PXYLP1: variants seen among roughly 807,000 people sequenced by gnomAD.
PXYLP1 encodes the protein 2-phosphoxylose phosphatase 1.
Under a neutral mutation model 37.9 loss-of-function variants are expected in PXYLP1, and 17 were observed. The ratio of observed to expected loss-of-function variants is 0.45; its 90% CI spans 0.31 to 0.67. The LOEUF (loss-of-function observed/expected upper bound fraction) is 0.67. Among genes scored for constraint, PXYLP1 ranks in the 30% least tolerant of loss-of-function variants. The pLI, the probability that PXYLP1 is intolerant of heterozygous loss-of-function variation, is 0.07. For missense variants in PXYLP1, 511 were observed against 612.0 expected (o/e 0.84, Z 1.74); for synonymous variants, 221 against 232.2 (o/e 0.95, Z 0.44).
At chr3:141,272,592 A>C (rs1047148599) in intron 2 of PXYLP1, 2 of 153,244 alleles carry the variant, frequency 1.3e-5, no homozygotes, top group South Asian at 2.1e-4. Context: ...ATATTTATAA[A>C]GGGGAGTTTA....
chr3:141,242,930 T>C (rs988916342), intron 1 of PXYLP1, among the ~76,000 whole-genome samples: 3 of 152,228 alleles, frequency 2.0e-5, no homozygotes, highest in African/African-American at 7.2e-5. Flanking sequence ...ATCCTTGGCA[T>C]AGAGCAGATG....
rs1404258049 is a variant in PXYLP1, at chr3:141,292,993, A to G, written c.1231A>G (p.Arg411Gly). 52 of 1,614,218 alleles carry G rather than the reference A, an allele frequency of 3.2e-5. No homozygotes were observed. The highest frequency in any genetic ancestry group is 4.2e-5 in the Non-Finnish European group (50 of 1,180,044). The change falls in exon 6 of 6, where the codon AGA becomes GGA. Residue 411 changes from arginine to glycine, a missense_variant. Coordinates refer to ENST00000286353, the MANE Select transcript of PXYLP1 (RefSeq NM_001037172.3). This position sits in a 1 kb window ranked among gnomAD's most constrained non-coding sequence, Gnocchi z 4.3. ...GTTGATCTTTGAGCTTTGGCAAGACAGAGAAAAGCCCAGTGAACATTCCGT... is the reference window on the plus strand; with the variant it reads ...GTTGATCTTTGAGCTTTGGCAAGACGGAGAAAAGCCCAGTGAACATTCCGT... ...ARLIFELWQDREKPSEHSVRI... is the reference protein window; with the variant it reads ...ARLIFELWQDGEKPSEHSVRI...
chr3:141,287,698 A>G (rs1384299826), intron 5 of PXYLP1, among the ~76,000 whole-genome samples: 1 of 152,250 alleles, frequency 6.6e-6, no homozygotes, highest in African/African-American at 2.4e-5. Context: ...AGACAAGTAA[A>G]AAGAAGAAAA....
At chr3:141,235,245 A>G (rs538019433) in intron 1 of PXYLP1, 1 of 152,384 alleles carries the variant, frequency 6.6e-6, no homozygotes, top group East Asian at 1.9e-4. Context: ...AAGGCCTTGA[A>G]AGCCAGCTGA....
rs1941030774 is a variant in PXYLP1, at chr3:141,248,595, GTGTA to G, written c.-53-11526_-53-11523del. Reference sequence around the variant, plus strand: ...TACACACATGTATATATACACACACGTGTATATATACACACGTATATATACACAC... The same window carrying G: ...TACACACATGTATATATACACACACGTATATACACACGTATATATACACAC... On this transcript the variant is annotated intron_variant, in intron 1 of 5. Coordinates refer to ENST00000286353, the MANE Select transcript of PXYLP1 (RefSeq NM_001037172.3). Among the ~76,000 whole-genome samples the G allele has an allele frequency of 5.1e-4, 14 of 27,454 alleles. 1 individual carries two copies. The highest frequency in any genetic ancestry group is 4.6e-3 in the African/African-American group (9 of 1,962). 18.0% of individuals were successfully genotyped at this position (27,454 alleles called of 152,430 possible).
chr3:141,292,290 C>T lies in PXYLP1; in HGVS notation c.528C>T (p.Asn176=), dbSNP rs760526526. The T allele has an allele frequency of 1.1e-5, 17 of 1,597,082 alleles. No individual in the cohort carries two copies. The highest frequency in any genetic ancestry group is 4.5e-5 in the South Asian group (4 of 88,890). ...CAGGAGTTGTGCAGCATTTGCAGAA[C>T]GGTCAGCTGCTGAGGGATATCTATC... The part of the protein sequence containing the change: ...TQTGVVQHLQ[N]GQLLRDIYLK... The change falls in exon 6 of 6, where the codon AAC becomes AAT. Residue 176 remains asparagine, a synonymous_variant. Coordinates refer to ENST00000286353, the MANE Select transcript of PXYLP1 (RefSeq NM_001037172.3). This position sits in a 1 kb window ranked among gnomAD's most constrained non-coding sequence, Gnocchi z 4.3.
In PXYLP1 at chr3:141,260,149, C is replaced by T. The variant is rs1941354350; in HGVS notation, c.-27C>T. The T allele has an allele frequency of 1.2e-6, 2 of 1,613,528 alleles. No individual in the cohort carries two copies. Among genetic ancestry groups the T allele is most frequent in the East Asian group, 4.5e-5 (2 of 44,890 alleles). On this transcript the variant is annotated 5_prime_UTR_variant, in exon 2 of 6. Coordinates refer to ENST00000286353, the MANE Select transcript of PXYLP1 (RefSeq NM_001037172.3). ...ACATGTTCCCGATTTGAGGTGAAAC[C>T]ATGAAGAGAAAATAGAATACTTAAT...
chr3:141,269,922 C>CTGCA (rs1401447297), intron 2 of PXYLP1, among the ~76,000 whole-genome samples: 1 of 152,264 alleles, frequency 6.6e-6, no homozygotes, highest in Admixed American at 6.5e-5. Context: ...CTCTGAGAGG[C>CTGCA]TGCAACTGGG....
chr3:141,274,448 C>A (rs1279021615), intron 2 of PXYLP1: 11 of 1,489,968 alleles, frequency 7.4e-6, no homozygotes, highest in Non-Finnish European at 9.8e-6. Context: ...TCTCCTCTTC[C>A]CCTCCACACA....
chr3:141,239,495 G>A (rs1235402188), intron 1 of PXYLP1, among the ~76,000 whole-genome samples: 2 of 147,962 alleles, frequency 1.4e-5, no homozygotes, highest in African/African-American at 5.1e-5. Flanking sequence ...ATAATTTCTA[G>A]CATTGCTAAG....
chr3:141,290,123 A>G (rs762640178), intron 5 of PXYLP1, among the ~76,000 whole-genome samples: 15 of 152,184 alleles, frequency 9.9e-5, no homozygotes, highest in Non-Finnish European at 1.9e-4. Flanking sequence ...TACAGTAACT[A>G]TGTAAGGTAA....
chr3:141,248,497 GTATA>G lies in PXYLP1; in HGVS notation c.-53-11613_-53-11610del, dbSNP rs72060928. ...AAAGGAGCAATATGTGTGCGTGTGT[GTATA>G]TATATATATATACACACACACACAC... On this transcript the variant is annotated intron_variant, in intron 1 of 5. Transcript: ENST00000286353. Among the ~76,000 whole-genome samples, 25 of 117,454 alleles carry G rather than the reference GTATA, an allele frequency of 2.1e-4. 1 individual carries two copies. The highest frequency in any genetic ancestry group is 8.5e-4 in the African/African-American group (18 of 21,118). 77.1% of individuals were successfully genotyped at this position (117,454 alleles called of 152,430 possible). A position where few individuals can be genotyped will look rare whatever the true frequency, so the allele number is the denominator to read the frequency against.
chr3:141,254,416 C>T (rs1576583642), intron 1 of PXYLP1, among the ~76,000 whole-genome samples: 2 of 152,294 alleles, frequency 1.3e-5, no homozygotes, highest in South Asian at 2.1e-4. Context: ...TGAATGAGTG[C>T]GTGAACTGGC....
chr3:141,266,437 C>T (rs980412352), intron 2 of PXYLP1, among the ~76,000 whole-genome samples: 6 of 151,964 alleles, frequency 3.9e-5, no homozygotes, highest in South Asian at 2.1e-4. Flanking sequence ...TTGTGCCCTG[C>T]GGTGCAGATG....
At chr3:141,275,588 A>G (rs946723641) in intron 2 of PXYLP1, among the ~76,000 whole-genome samples, 1 of 152,160 alleles carries the variant, frequency 6.6e-6, no homozygotes, top group African/African-American at 2.4e-5. Context: ...ACTTTTCTAT[A>G]TTTCCGTGCT....
chr3:141,289,651 G>T (rs954909691), intron 5 of PXYLP1, among the ~76,000 whole-genome samples: 4 of 152,190 alleles, frequency 2.6e-5, no homozygotes, highest in Non-Finnish European at 4.4e-5. Context: ...TAAAAAAGCT[G>T]TCTTGTCCCT....
At chr3:141,274,738 G>C in intron 2 of PXYLP1, 1 of 691,158 alleles carries the variant, frequency 1.4e-6, no homozygotes, top group Non-Finnish European at 2.6e-6. Context: ...GGACACCCCT[G>C]CTTGCATATA....
chr3:141,292,442 G>A lies in PXYLP1; in HGVS notation c.680G>A (p.Trp227Ter), dbSNP rs202236138. The A allele has an allele frequency of 1.9e-6, 3 of 1,614,224 alleles. No individual in the cohort carries two copies. The highest frequency in any genetic ancestry group is 2.2e-5 in the South Asian group (2 of 91,080). Reference protein sequence around the residue: ...LLYGFLPDFDWKKIYFRHQPS... With the variant: ...LLYGFLPDFD ...TATGGCTTTCTCCCAGATTTTGACT[G>A]GAAGAAGATTTATTTCAGGCACCAG... The change falls in exon 6 of 6, where the codon TGG becomes TAG. Residue 227 changes from tryptophan to a stop codon, truncating the protein, a stop_gained. Coordinates refer to ENST00000286353, the MANE Select transcript of PXYLP1 (RefSeq NM_001037172.3). LOFTEE classifies it high-confidence loss of function. This position sits in a 1 kb window ranked among gnomAD's most constrained non-coding sequence, Gnocchi z 4.3.
At chr3:141,282,586 G>C (rs1941980150) in intron 4 of PXYLP1, among the ~76,000 whole-genome samples, 1 of 152,050 alleles carries the variant, frequency 6.6e-6, no homozygotes, top group Non-Finnish European at 1.5e-5. Context: ...ATTTTTATTT[G>C]TTTTTGTTCA....
Sources: gnomAD v4.1 joint callset for allele counts (sites outside exome capture counted in the v4.1 genomes callset) on GRCh38, gnomAD v4.1.1 for gene constraint, Gnocchi (gnomAD v3.1) non-coding constraint, MANE v1.5 for transcripts, NCBI Gene and HGNC (gene_info 2026-07-23, HGNC 2026-07-21) for gene names.